The following NOL4L variants were observed in gnomAD, a reference collection of about 807,000 sequenced individuals.
NOL4L encodes nucleolar protein 4 like.
NOL4L carries 7 observed loss-of-function variants against 64.5 expected under a neutral mutation model. That is an observed-to-expected ratio of 0.11 (90% confidence interval 0.06 to 0.20). The LOEUF is 0.20. NOL4L is among the 10% of genes least tolerant of loss of function. NOL4L has a pLI of 1.00. For missense variants in NOL4L, 680 were observed against 967.1 expected (o/e 0.70, Z 3.94); for synonymous variants, 413 against 401.0 (o/e 1.03, Z -0.36).
At chr20:32,541,186 T>C (rs751208870) in intron 1 of NOL4L, among the ~76,000 whole-genome samples, 9 of 152,144 alleles carry the variant, frequency 5.9e-5, no homozygotes, top group Non-Finnish European at 8.8e-5. Context: ...CACTGGACTT[T>C]AAGGGCCAAG....
At chr20:32,490,193 T>C (rs1229858067) in intron 4 of NOL4L, among the ~76,000 whole-genome samples, 1 of 151,100 alleles carries the variant, frequency 6.6e-6, no homozygotes, top group African/African-American at 2.4e-5. Flanking sequence ...TGTATATATA[T>C]GTTTTCCTAC....
rs1164201429 is a variant in NOL4L at position 32,464,080 on chromosome 20, G to A, written c.842-7685C>T. The stretch of plus-strand genomic sequence containing the variant: ...CAGGGCGACGGGGGAGGAGGGGGTG[G>A]GAGACTGCTGGAGCCACGGCCCACC... On this transcript the variant is annotated intron_variant, in intron 5 of 10. Transcript: ENST00000621426. This position sits in a 1 kb window ranked among gnomAD's most constrained non-coding sequence, Gnocchi z 5.6. 6.6e-6 allele frequency among the ~76,000 whole-genome samples: 1 copy of A among 152,144 alleles called. No individual in the cohort carries two copies. The highest frequency in any genetic ancestry group is 2.1e-4 in the South Asian group (1 of 4,824).
At chr20:32,551,530 C>T (rs192788591) in intron 1 of NOL4L, among the ~76,000 whole-genome samples, 465 of 152,132 alleles carry the variant, frequency 3.1e-3, no homozygotes, top group Non-Finnish European at 4.6e-3. Context: ...GGATGAACCC[C>T]GAAAACGTAA....
chr20:32,493,005 G>T (rs573303735), intron 4 of NOL4L, among the ~76,000 whole-genome samples: 1 of 152,318 alleles, frequency 6.6e-6, no homozygotes, highest in East Asian at 1.9e-4. Flanking sequence ...ATCCACCAGT[G>T]CGAGTCAGAT....
At chr20:32,569,228 C>T (rs931661048) in intron 1 of NOL4L, among the ~76,000 whole-genome samples, 1 of 152,042 alleles carries the variant, frequency 6.6e-6, no homozygotes, top group Admixed American at 6.5e-5. Flanking sequence ...CAGTGACGTC[C>T]AGGGGAACAG....
At chr20:32,546,146 C>T (rs1163366348) in intron 1 of NOL4L, among the ~76,000 whole-genome samples, 1 of 152,044 alleles carries the variant, frequency 6.6e-6, no homozygotes, top group Non-Finnish European at 1.5e-5. Context: ...CGGGGTTTCA[C>T]CATGCTGGCC....
At chr20:32,578,139 G>GGAAGGAAGGAAGGAAGGAGA (rs1378928982) in intron 1 of NOL4L, among the ~76,000 whole-genome samples, 1 of 70,676 alleles carries the variant, frequency 1.4e-5, no homozygotes, top group African/African-American at 9.7e-5. Context: ...AAGGAAGGAA[G>GGAAGGAAGGAAGGAAGGAGA]GAGGGAGGGA....
At chr20:32,564,190 G>A (rs570072433) in intron 1 of NOL4L, among the ~76,000 whole-genome samples, 15 of 152,286 alleles carry the variant, frequency 9.8e-5, no homozygotes, top group Non-Finnish European at 2.1e-4. Context: ...CCACCCGGCC[G>A]CGCCCCAGGA....
chr20:32,474,734 A>G lies in NOL4L; in HGVS notation c.708T>C (p.Thr236=), dbSNP rs377010007. The change falls in exon 5 of 11, where the codon ACT becomes ACC. Residue 236 remains threonine (T), a synonymous_variant. Coordinates refer to ENST00000621426, the MANE Select transcript of NOL4L (RefSeq NM_001256798.2). Reference sequence around the variant, plus strand: ...TATCAAAATCCTCGCTGCTCACAGAAGTCTCATCCTGAGCAGGGACAAAGA... The same window carrying G: ...TATCAAAATCCTCGCTGCTCACAGAGGTCTCATCCTGAGCAGGGACAAAGA... ...RVMNSQEQDE[T]SVSSEDFDMS... 1.2e-6 allele frequency: 2 copies of G among 1,610,658 alleles called. No individual in the cohort carries two copies. The highest frequency in any genetic ancestry group is 2.7e-5 in the African/African-American group (2 of 74,874).
chr20:32,494,404 C>T (rs1600754130), intron 4 of NOL4L, among the ~76,000 whole-genome samples: 1 of 152,092 alleles, frequency 6.6e-6, no homozygotes, highest in African/African-American at 2.4e-5. Flanking sequence ...AGAAGGCCCC[C>T]AACAATTGCT....
chr20:32,480,703 C>G (rs1176283821), intron 4 of NOL4L, among the ~76,000 whole-genome samples: 1 of 152,204 alleles, frequency 6.6e-6, no homozygotes, highest in Admixed American at 6.5e-5. Flanking sequence ...CACTTCAGTT[C>G]ATCAGATGGC....
chr20:32,478,857 C>T (rs1286724432), intron 4 of NOL4L, among the ~76,000 whole-genome samples: 1 of 152,190 alleles, frequency 6.6e-6, no homozygotes, highest in Admixed American at 6.5e-5. Flanking sequence ...GCTGGGAGTG[C>T]GGGTGTGAGC....
At chr20:32,509,470 A>C (rs1329572826) in intron 4 of NOL4L, among the ~76,000 whole-genome samples, 1 of 131,208 alleles carries the variant, frequency 7.6e-6, no homozygotes, top group Non-Finnish European at 1.5e-5. Flanking sequence ...GTGAGCCGAG[A>C]TTGGGCCACT....
intron 1 of NOL4L, among the ~76,000 whole-genome samples, chr20:32,584,059 G>A (rs555197625): frequency 6.9e-6 from 1 of 144,668 alleles, no homozygotes; most frequent in Non-Finnish European, 1.5e-5. Context: ...TGGGAGGCCC[G>A]GCGGACTCCC....
rs553619588 is a variant in NOL4L, at chr20:32,478,299, GCTCA to G, written c.700-3561_700-3558del. Among the ~76,000 whole-genome samples, 6 of 148,850 alleles carry G rather than the reference GCTCA, an allele frequency of 4.0e-5. No individual in the cohort carries two copies. The East Asian group carries it at 1.2e-3, about 29-fold the overall frequency. On this transcript the variant is annotated intron_variant, in intron 4 of 10. Transcript: ENST00000621426. ...CTCTCTCTCTCTCTCTCTCATGCATGCTCACTTTCTTCAATGAGTTGTTGCACAT... is the reference window on the plus strand; with the variant it reads ...CTCTCTCTCTCTCTCTCTCATGCATGCTTTCTTCAATGAGTTGTTGCACAT...
At chr20:32,572,440 A>G (rs1979808490) in intron 1 of NOL4L, 1 of 152,246 alleles carries the variant, frequency 6.6e-6, no homozygotes, top group African/African-American at 2.4e-5. Context: ...CAACTGGAAG[A>G]AGTAGCTGAC....
intron 4 of NOL4L, among the ~76,000 whole-genome samples, chr20:32,491,389 C>T (rs147370190): frequency 1.3e-5 from 2 of 152,366 alleles, no homozygotes; most frequent in African/African-American, 2.4e-5. Context: ...AACAAAGACA[C>T]CTTCCACCTC....
At chr20:32,452,504 C>T in intron 9 of NOL4L, 67 bp from the exon 10 acceptor site, 1 of 1,385,294 alleles carries the variant, frequency 7.2e-7, no homozygotes, top group Non-Finnish European at 9.8e-7. Context: ...CATCCCTGGA[C>T]ACAAGGTGGA....
At chr20:32,500,440 G>A (rs1179966353) in intron 4 of NOL4L, among the ~76,000 whole-genome samples, 12 of 148,634 alleles carry the variant, frequency 8.1e-5, no homozygotes, top group African/African-American at 2.5e-4. Context: ...TGCAAGCTCC[G>A]CCTCCCGGGT....
Sources: allele counts gnomAD v4.1 joint callset (sites outside exome capture counted in the v4.1 genomes callset), GRCh38; gene constraint gnomAD v4.1.1; non-coding constraint Gnocchi (gnomAD v3.1); transcripts MANE v1.5; gene names NCBI Gene and HGNC (gene_info 2026-07-23, HGNC 2026-07-21).